The following HSD17B2 variants were observed in gnomAD, a reference collection of about 807,000 sequenced individuals.
HSD17B2 encodes hydroxysteroid 17-beta dehydrogenase 2, also known as 17-beta-hydroxysteroid dehydrogenase type 2.
In HSD17B2, 32 loss-of-function variants were observed where a neutral mutation model predicts 26.9. That is an observed-to-expected ratio of 1.19 (90% CI 0.90 to 1.60). The LOEUF (loss-of-function observed/expected upper bound fraction) is 1.60. Ranked by LOEUF, HSD17B2 falls within the 40% of genes most tolerant of loss-of-function variation. The pLI is 0.00. For missense variants in HSD17B2, 613 were observed against 468.6 expected, an observed-to-expected ratio of 1.31 and a Z score of -2.85; for synonymous variants, 246 against 186.7, an observed-to-expected ratio of 1.32 and a Z score of -2.59.
At chr16:82,068,146 C>G (rs771409165) in intron 1 of HSD17B2, 24 bp from the exon 2 acceptor site, 1 of 1,605,810 alleles carries the variant, frequency 6.2e-7, no homozygotes, top group South Asian at 1.1e-5. Flanking sequence ...TGACCTCACT[C>G]CCTACTCCCC....
At chr16:82,043,684 C>CAAAAAAAAAAAAAAAAA (rs398030034) in intron 1 of HSD17B2, among the ~76,000 whole-genome samples, 2 of 22,548 alleles carry the variant, frequency 8.9e-5, no homozygotes, top group African/African-American at 6.9e-4. Flanking sequence ...AACTCTGTCT[C>CAAAAAAAAAAAAAAAAA]AAAAAAAAAA....
Position 82,074,972 on chromosome 16 carries a change from T to A in HSD17B2, c.664+3845T>A, listed in dbSNP as rs372219851. 5.3e-5 allele frequency among the ~76,000 whole-genome samples: 8 copies of A among 152,274 alleles called. No homozygotes were observed. The East Asian group carries it at 1.2e-3, about 22-fold the overall frequency. ...AGGCCACAAAACAAGTCTTAAAACA[T>A]TTTAAAAAATGAAATAATATCAAGT... On this transcript the variant is annotated intron_variant, in intron 3 of 4. Coordinates refer to ENST00000199936, the MANE Select transcript of HSD17B2 (RefSeq NM_002153.3).
rs766901133 is a variant in HSD17B2, at chr16:82,090,899, T to C, written c.665-3T>C. The C allele has an allele frequency of 3.0e-5, 48 of 1,606,248 alleles. No individual in the cohort carries two copies. The highest frequency in any genetic ancestry group is 3.7e-5 in the Non-Finnish European group (44 of 1,177,136). On this transcript the variant is annotated splice_polypyrimidine_tract_variant and splice_region_variant and intron_variant, in intron 3 of 4. Coordinates refer to ENST00000199936, the MANE Select transcript of HSD17B2 (RefSeq NM_002153.3). ...GCTTCTTTTTCTCCCATTATTCCCA[T>C]AGGAGGGGCCCCAATGGAAAGGCTG...
chr16:82,035,714 C>T (rs1309185114), intron 1 of HSD17B2, 25 bp downstream of exon 1: 2 of 1,607,318 alleles, frequency 1.2e-6, no homozygotes, highest in Admixed American at 3.3e-5. Context: ...CTACAATTTT[C>T]ACTGAGGGTA....
intron 3 of HSD17B2, among the ~76,000 whole-genome samples, chr16:82,072,678 G>A (rs1914723785): frequency 6.6e-6 from 1 of 152,178 alleles, no homozygotes; most frequent in Admixed American, 6.5e-5. Context: ...GCATGCACCA[G>A]CAGCTCAGTT....
intron 3 of HSD17B2, among the ~76,000 whole-genome samples, chr16:82,077,642 A>T (rs191310817): frequency 1.1e-4 from 17 of 152,270 alleles, no homozygotes; most frequent in African/African-American, 4.1e-4. Flanking sequence ...AAGTGGGTGG[A>T]TCACTTGAGC....
At chr16:82,068,442 C>T (rs536702112) in intron 2 of HSD17B2, 60 bp downstream of exon 2, 39 of 1,411,190 alleles carry the variant, frequency 2.8e-5, no homozygotes, top group African/African-American at 1.6e-4. Context: ...GCTCTTGTTC[C>T]GGCTTAGGCT....
intron 1 of HSD17B2, among the ~76,000 whole-genome samples, chr16:82,039,574 T>G (rs1253057643): frequency 6.6e-6 from 1 of 152,204 alleles, no homozygotes; most frequent in African/African-American, 2.4e-5. Context: ...AGGAAATTAC[T>G]GTCAAGCGAT....
chr16:82,056,723 T>C (rs1381323722), intron 1 of HSD17B2, among the ~76,000 whole-genome samples: 3 of 152,222 alleles, frequency 2.0e-5, no homozygotes, highest in Admixed American at 1.3e-4. Context: ...AGGTGAAATA[T>C]ACACTAGTCA....
intron 1 of HSD17B2, among the ~76,000 whole-genome samples, chr16:82,065,984 C>T (rs1281094395): frequency 6.6e-6 from 1 of 152,210 alleles, no homozygotes; most frequent in Non-Finnish European, 1.5e-5. Context: ...GGTCTGCAGT[C>T]TGGTGAACTT....
chr16:82,083,264 C>T (rs78578811), intron 3 of HSD17B2, among the ~76,000 whole-genome samples: 39 of 152,226 alleles, frequency 2.6e-4, no homozygotes, highest in Admixed American at 3.9e-4. Flanking sequence ...TCCTTCCCTC[C>T]GGTGTCCTTC....
intron 3 of HSD17B2, among the ~76,000 whole-genome samples, chr16:82,078,374 G>T (rs1338551405): frequency 6.6e-6 from 1 of 152,142 alleles, no homozygotes; most frequent in East Asian, 1.9e-4. Context: ...TCATCCAAAA[G>T]TCAGGCAATA....
At chr16:82,044,348 C>T (rs1337950364) in intron 1 of HSD17B2, 2 of 152,192 alleles carry the variant, frequency 1.3e-5, no homozygotes, top group Non-Finnish European at 2.9e-5. Flanking sequence ...AAGACATCAG[C>T]TTTATTCCTG....
intron 2 of HSD17B2, among the ~76,000 whole-genome samples, chr16:82,070,427 C>G (rs573790175): frequency 6.6e-6 from 1 of 152,316 alleles, no homozygotes; most frequent in Non-Finnish European, 1.5e-5. Flanking sequence ...CCCATCTTTC[C>G]TTCCCCATTA....
intron 2 of HSD17B2, among the ~76,000 whole-genome samples, chr16:82,070,528 G>C (rs887916951): frequency 2.0e-5 from 3 of 152,296 alleles, no homozygotes; most frequent in Middle Eastern, 3.4e-3. Context: ...CCACGTGTTG[G>C]GGTCCGCCCA....
rs1374315570 is a variant in HSD17B2, at chr16:82,043,443, G to A, written c.265+7754G>A. Among the ~76,000 whole-genome samples the A allele has an allele frequency of 6.4e-5, 8 of 124,416 alleles. 1 individual carries two copies. Among genetic ancestry groups the A allele is most frequent in the African/African-American group, 2.5e-4 (4 of 15,834 alleles). The allele number at this position is 124,416 out of a possible 152,430, so 81.6% of individuals were successfully genotyped here. On this transcript the variant is annotated intron_variant, in intron 1 of 4. Transcript: ENST00000199936. ...CTCATGCCTGTAATCCCAGCACTTT[G>A]GGAGGCCGAGGCGGGCGGATCACGA... is the stretch of plus-strand genomic sequence containing the variant.
rs990106662 is a variant in HSD17B2, at chr16:82,043,451, G to A, written c.265+7762G>A. Among the ~76,000 whole-genome samples the A allele has an allele frequency of 2.4e-5, 3 of 124,328 alleles. 1 individual carries two copies. The highest frequency in any genetic ancestry group is 1.9e-4 in the African/African-American group (3 of 15,872). The allele number at this position is 124,328 out of a possible 152,430, so 81.6% of individuals were successfully genotyped here. On this transcript the variant is annotated intron_variant, in intron 1 of 4. Transcript: ENST00000199936. ...TGTAATCCCAGCACTTTGGGAGGCC[G>A]AGGCGGGCGGATCACGAGGTCAGGA...
chr16:82,077,690 C>T (rs1316438250), intron 3 of HSD17B2, among the ~76,000 whole-genome samples: 1 of 151,088 alleles, frequency 6.6e-6, no homozygotes, highest in African/African-American at 2.4e-5. Context: ...GTGATCACAC[C>T]ATTGCACTCC....
chr16:82,069,070 C>T (rs1461087244), intron 2 of HSD17B2, among the ~76,000 whole-genome samples: 2 of 152,174 alleles, frequency 1.3e-5, no homozygotes, highest in East Asian at 3.9e-4. Context: ...CTCTACCTCC[C>T]CTCCCTCCAC....
Sources: gnomAD v4.1 joint callset for allele counts (sites outside exome capture counted in the v4.1 genomes callset) on GRCh38, gnomAD v4.1.1 for gene constraint, MANE v1.5 for transcripts, NCBI Gene and HGNC (gene_info 2026-07-23, HGNC 2026-07-21) for gene names.